The following MKS1 variants were observed in gnomAD, a reference collection of about 807,000 sequenced individuals.
MKS1 encodes MKS transition zone complex subunit 1.
In MKS1, 70 loss-of-function variants were observed where a neutral mutation model predicts 83.7. The observed-to-expected ratio is 0.84, with a 90% CI of 0.69 to 1.02. The LOEUF (loss-of-function observed/expected upper bound fraction) is 1.02, where lower values mean the gene tolerates loss of function less well. Among genes scored for constraint, MKS1 ranks in the 50% least tolerant of loss-of-function variants. The probability of loss-of-function intolerance (pLI) is 0.00; values close to 1 mark genes in which losing one functional copy is unlikely to be tolerated. For missense variants in MKS1, 681 were observed against 726.9 expected (o/e 0.94, Z 0.73); for synonymous variants, 251 against 273.4 (o/e 0.92, Z 0.81).
intron 4 of MKS1, chr17:58,215,873 CTCTA>C: frequency 1.7e-6 from 1 of 595,590 alleles, no homozygotes; most frequent in Non-Finnish European, 3.0e-6. Context: ...CCCCCAGGCC[CTCTA>C]GCAGGCAGAG....
In MKS1 at chr17:58,205,796, C is replaced by T; in HGVS notation, c.*283G>A. 1.4e-6 allele frequency: 2 copies of T among 1,430,882 alleles called. No homozygotes were observed. The highest frequency in any genetic ancestry group is 1.3e-5 in the South Asian group (1 of 75,248). The allele number at this position is 1,430,882 out of a possible 1,614,324, so 88.6% of individuals were successfully genotyped here. A position where few individuals can be genotyped will look rare whatever the true frequency, so the allele number is the denominator to read the frequency against. ...CAAGGCCAGACTCACTATGGGGTCA[C>T]CCCAAACAGCTTCAGATCAAAAAGC... On this transcript the variant is annotated 3_prime_UTR_variant, in exon 18 of 18. Coordinates refer to ENST00000393119, the MANE Select transcript of MKS1 (RefSeq NM_017777.4).
chr17:58,216,552 G>A, intron 3 of MKS1, 114 bp downstream of exon 3: 1 of 1,198,048 alleles, frequency 8.3e-7, no homozygotes, highest in Non-Finnish European at 1.2e-6. Context: ...ACACAACAGG[G>A]GAAAGTATAA....
At chr17:58,218,909 A>G (rs955792156) in intron 1 of MKS1, 180 bp from the exon 2 acceptor site, 12 of 816,704 alleles carry the variant, frequency 1.5e-5, no homozygotes, top group Non-Finnish European at 2.0e-5. Context: ...GAGAGGGTGT[A>G]CTGGGGGCAC....
Position 58,208,097 on chromosome 17 carries a change from C to A in MKS1, c.1165+8G>T. On this transcript the variant is annotated splice_region_variant and intron_variant, in intron 13 of 17. Transcript: ENST00000393119. ...CCAAGGCCCAGGATCAACTGCTGAG[C>A]TACTCACCAGAAGATTCATCCTCAT... 1 of 1,612,332 alleles carries A rather than the reference C, an allele frequency of 6.2e-7. No homozygotes were observed.
At chr17:58,206,693 C>T in intron 15 of MKS1, 146 bp from the exon 16 acceptor site, 1 of 849,748 alleles carries the variant, frequency 1.2e-6, no homozygotes, top group Non-Finnish European at 1.9e-6. Flanking sequence ...GACTCTATTA[C>T]CTCAAGGCTA....
chr17:58,205,944 C>A lies in MKS1; in HGVS notation c.*135G>T. The A allele has an allele frequency of 2.6e-6, 4 of 1,517,758 alleles. No individual in the cohort carries two copies. The highest frequency in any genetic ancestry group is 3.5e-6 in the Non-Finnish European group (4 of 1,135,644). 94.0% of individuals were successfully genotyped at this position (1,517,758 alleles called of 1,614,324 possible). Reference sequence around the variant, plus strand: ...CAGAAGGCTAGGCAGAGGGGCCAGCCGGGAATTTCCCAGCTTTTCTGGTTC... The same window carrying A: ...CAGAAGGCTAGGCAGAGGGGCCAGCAGGGAATTTCCCAGCTTTTCTGGTTC... On this transcript the variant is annotated 3_prime_UTR_variant, in exon 18 of 18. Transcript: ENST00000393119.
intron 1 of MKS1, 89 bp from the exon 2 acceptor site, chr17:58,218,818 G>T: frequency 8.1e-7 from 1 of 1,236,284 alleles, no homozygotes; most frequent in Non-Finnish European, 1.2e-6. Flanking sequence ...AACAGAGGAG[G>T]TAGGGTTGCC....
At position 58,212,967 on chromosome 17, in the gene MKS1, T is replaced by G. The variant is rs1968961285; in HGVS notation, c.858+15A>C. ...AGGCTCATCCCTTGGATACTTGGAA[T>G]GAACTTGCGCTTACATCCTTGAACA... On this transcript the variant is annotated intron_variant, in intron 8 of 17. Coordinates refer to ENST00000393119, the MANE Select transcript of MKS1 (RefSeq NM_017777.4). 2 of 1,611,820 alleles carry G rather than the reference T, an allele frequency of 1.2e-6. No individual in the cohort carries two copies. Among genetic ancestry groups the G allele is most frequent in the Admixed American group, 3.3e-5 (2 of 60,010 alleles).
chr17:58,207,181 C>T lies in MKS1; in HGVS notation c.1311G>A (p.Val437=). 1 of 1,614,180 alleles carries T rather than the reference C, an allele frequency of 6.2e-7. No homozygotes were observed. Among genetic ancestry groups the T allele is most frequent in the East Asian group, 2.2e-5 (1 of 44,872 alleles). The part of the protein sequence containing the change: ...HTLTVSTWRP[V]ELGTVAELRR... ...TCAGCTCAGCCACCGTGCCAAGCTC[C>T]ACAGGTCTCCACGTGGAGACTGTCA... Residue 437 remains valine (V), a synonymous_variant, in exon 15 of 18, where the codon GTG becomes GTA. Coordinates refer to ENST00000393119, the MANE Select transcript of MKS1 (RefSeq NM_017777.4).
chr17:58,211,869 AT>A (rs760751263), intron 9 of MKS1, among the ~76,000 whole-genome samples: 141 of 151,970 alleles, frequency 9.3e-4, no homozygotes, highest in Admixed American at 2.4e-3. Context: ...TCAGGCCTAT[AT>A]TTTTTAAGAG....
intron 4 of MKS1, chr17:58,215,529 T>TA (rs1016290685): frequency 1.1e-4 from 19 of 169,652 alleles, no homozygotes; most frequent in South Asian, 5.6e-4. Context: ...TAGACAAAAA[T>TA]AAAAAAAATA....
intron 4 of MKS1, 200 bp from the exon 5 acceptor site, chr17:58,215,038 T>C (rs750717512): frequency 2.9e-5 from 22 of 758,784 alleles, no homozygotes; most frequent in Non-Finnish European, 4.3e-5. Context: ...TGGTTTGCCT[T>C]TGGATTTTAA....
intron 4 of MKS1, 154 bp from the exon 5 acceptor site, chr17:58,214,992 T>A: frequency 8.2e-7 from 1 of 1,222,154 alleles, no homozygotes; most frequent in Non-Finnish European, 1.1e-6. Context: ...GAGGGAGCAG[T>A]AGCCAAACAA....
intron 4 of MKS1, chr17:58,215,863 C>T: frequency 3.5e-6 from 2 of 563,664 alleles, no homozygotes; most frequent in African/African-American, 1.9e-5. Flanking sequence ...ACTGGCAGCT[C>T]CCCCAGGCCC....
intron 12 of MKS1, 146 bp from the exon 13 acceptor site, chr17:58,208,320 A>G: frequency 1.1e-6 from 1 of 945,728 alleles, no homozygotes; most frequent in Non-Finnish European, 1.7e-6. Context: ...AAGGACACCC[A>G]AATACAAGCT....
chr17:58,207,416 GC>G, intron 14 of MKS1, 198 bp from the exon 15 acceptor site: 1 of 687,014 alleles, frequency 1.5e-6, no homozygotes, highest in Non-Finnish European at 2.4e-6. Flanking sequence ...TTTCCGCTCT[GC>G]CAGTTATTAC....
chr17:58,214,145 G>C, intron 6 of MKS1, 114 bp downstream of exon 6: 1 of 1,500,286 alleles, frequency 6.7e-7, no homozygotes, highest in Non-Finnish European at 9.2e-7. Flanking sequence ...AGAAGAGAAG[G>C]AAGAAAAAGT....
In MKS1 at chr17:58,216,160, C is replaced by A. The variant is rs777934536; in HGVS notation, c.345G>T (p.Glu115Asp). The change falls in exon 4 of 18, where the codon GAG becomes GAT. Residue 115 changes from glutamate (E) to aspartate (D), a missense_variant. Around this residue, in one of 3 missense-constraint regions of MKS1, gnomAD observed 365 missense variants for 383.8 expected, o/e 0.95. Coordinates refer to ENST00000393119, the MANE Select transcript of MKS1 (RefSeq NM_017777.4). ...YQYRQEILKL[E>D]NSGGKKNRRI... is the part of the protein sequence containing the mutation. Reference sequence around the variant, plus strand: ...GTCGGTTTTTCTTGCCACCCGAATTCTCCAGCTTCAGGATCTCCTGACGGT... The same window carrying A: ...GTCGGTTTTTCTTGCCACCCGAATTATCCAGCTTCAGGATCTCCTGACGGT... The A allele has an allele frequency of 6.2e-7, 1 of 1,614,178 alleles. No individual in the cohort carries two copies. The highest frequency in any genetic ancestry group is 8.5e-7 in the Non-Finnish European group (1 of 1,180,010).
chr17:58,219,138 G>T lies in MKS1; in HGVS notation c.80+13C>A. 6.4e-7 allele frequency: 1 copy of T among 1,550,948 alleles called. No individual in the cohort carries two copies. On this transcript the variant is annotated intron_variant, in intron 1 of 17. Transcript: ENST00000393119. ...AAAAGCATGGGGCCTCGGGGCTGGGGCGGTGCGACTACCGGAGGCGCAAGT... is the reference window on the plus strand; with the variant it reads ...AAAAGCATGGGGCCTCGGGGCTGGGTCGGTGCGACTACCGGAGGCGCAAGT...
Sources: allele counts gnomAD v4.1 joint callset (sites outside exome capture counted in the v4.1 genomes callset), GRCh38; gene constraint gnomAD v4.1.1; regional missense constraint gnomAD v4.1.1; transcripts MANE v1.5; gene names NCBI Gene and HGNC (gene_info 2026-07-23, HGNC 2026-07-21).